The following MAJIN variants were observed in gnomAD, a reference collection of about 807,000 sequenced individuals.
MAJIN encodes the protein membrane-anchored junction protein.
In MAJIN, 27 loss-of-function variants were observed where a neutral mutation model predicts 30.2. The observed-to-expected ratio is 0.89, with a 90% CI of 0.66 to 1.23. The LOEUF (loss-of-function observed/expected upper bound fraction) is 1.23. Among genes scored for constraint, MAJIN ranks in the 50% most tolerant of loss-of-function variants. The probability of loss-of-function intolerance (pLI) is 0.00; values close to 1 mark genes in which losing one functional copy is unlikely to be tolerated. For synonymous variants in MAJIN, 78 were observed against 91.6 expected (o/e 0.85, Z 0.85); for missense variants, 253 against 260.3 (o/e 0.97, Z 0.19).
chr11:64,967,444 A>G (rs979530597), intron 1 of MAJIN, among the ~76,000 whole-genome samples: 5 of 152,150 alleles, frequency 3.3e-5, no homozygotes, highest in South Asian at 2.1e-4. Context: ...AAAAGAAAAG[A>G]AAAGGAAAAA....
At chr11:64,962,955 C>T (rs1327452019) in intron 1 of MAJIN, among the ~76,000 whole-genome samples, 2 of 152,004 alleles carry the variant, frequency 1.3e-5, no homozygotes, top group African/African-American at 2.4e-5. Context: ...GGCGAAACCC[C>T]GCCTCTACTA....
At chr11:64,964,585 A>C (rs1055662556) in intron 1 of MAJIN, among the ~76,000 whole-genome samples, 8 of 151,810 alleles carry the variant, frequency 5.3e-5, no homozygotes, top group African/African-American at 1.5e-4. Flanking sequence ...AAAAACATCA[A>C]AGCAAAATTT....
intron 7 of MAJIN, 63 bp from the exon 8 acceptor site, chr11:64,947,528 C>G: frequency 6.6e-7 from 1 of 1,510,046 alleles, no homozygotes; most frequent in South Asian, 1.1e-5. Flanking sequence ...TTCATGAAGG[C>G]ACAGTGAAGA....
At chr11:64,947,341 G>A (rs370936071) in intron 8 of MAJIN, 33 bp downstream of exon 8, 124 of 1,562,888 alleles carry the variant, frequency 7.9e-5, no homozygotes, top group African/African-American at 1.5e-4. Flanking sequence ...TAACTAGGAC[G>A]CAGGAGCGAG....
At chr11:64,967,432 GAAAA>G (rs1221348236) in intron 1 of MAJIN, among the ~76,000 whole-genome samples, 1 of 151,776 alleles carries the variant, frequency 6.6e-6, no homozygotes, top group African/African-American at 2.4e-5. Flanking sequence ...AAAAGAAAAA[GAAAA>G]AGAAAAGAAA....
At chr11:64,956,252 T>C (rs1005066140) in intron 3 of MAJIN, among the ~76,000 whole-genome samples, 3 of 152,008 alleles carry the variant, frequency 2.0e-5, no homozygotes, top group Admixed American at 1.3e-4. Flanking sequence ...TGAGCTGAGA[T>C]TGCACCATTG....
Position 64,938,487 on chromosome 11 carries a change from A to G in MAJIN, c.*88T>C. 1.3e-6 allele frequency: 2 copies of G among 1,524,442 alleles called. No homozygotes were observed. The highest frequency in any genetic ancestry group is 1.8e-6 in the Non-Finnish European group (2 of 1,136,344). 94.4% of individuals were successfully genotyped at this position (1,524,442 alleles called of 1,614,324 possible). ...AGAATGGCTCGGGAGGAGTCACTAC[A>G]AGAGATGATCCTCTTTCCAGCGCTG... On this transcript the variant is annotated 3_prime_UTR_variant, in exon 11 of 11. Coordinates refer to ENST00000301896, the MANE Select transcript of MAJIN (RefSeq NM_001037225.3).
intron 1 of MAJIN, among the ~76,000 whole-genome samples, chr11:64,968,417 C>T (rs1443889940): frequency 6.6e-6 from 1 of 151,910 alleles, no homozygotes; most frequent in Non-Finnish European, 1.5e-5. Flanking sequence ...ACTACAGGTG[C>T]CCACCACTAT....
intron 4 of MAJIN, among the ~76,000 whole-genome samples, 191 bp from the exon 5 acceptor site, chr11:64,950,621 G>A (rs1241923225): frequency 6.6e-6 from 1 of 151,746 alleles, no homozygotes; most frequent in African/African-American, 2.4e-5. Flanking sequence ...GTGCTTTGTG[G>A]CCCAGGCTGA....
intron 1 of MAJIN, among the ~76,000 whole-genome samples, chr11:64,967,420 A>AAAAAAG (rs757265091): frequency 1.7e-4 from 26 of 150,132 alleles, no homozygotes; most frequent in Admixed American, 4.1e-4. Context: ...AAAGAAAAAG[A>AAAAAAG]AAAAAGAAAA....
Position 64,939,752 on chromosome 11 carries a change from T to C in MAJIN, c.562A>G (p.Thr188Ala). Residue 188 changes from threonine to alanine, a missense_variant, in exon 10 of 11, where the codon ACA becomes GCA. Transcript: ENST00000301896. ...TGGGACAATTCGCCCTGGCAGGCTG[T>C]GTCCCCACTCAGAATCTGTAAGGAA... Reference protein sequence around the residue: ...MSRNKILSGDTACQGELSHPC... With the variant: ...MSRNKILSGDAACQGELSHPC... 6.2e-7 allele frequency: 1 copy of C among 1,613,942 alleles called. No homozygotes were observed. The highest frequency in any genetic ancestry group is 1.3e-5 in the African/African-American group (1 of 75,042).
rs112044647 is a variant in MAJIN at position 64,950,419 on chromosome 11, G to C, written c.159C>G (p.Arg53=). The change falls in exon 5 of 11, where the codon CGC becomes CGG. Residue 53 remains arginine (R), a synonymous_variant. Transcript: ENST00000301896. The stretch of plus-strand genomic sequence containing the variant: ...GATTGTCCAAGTTTCCCAAGACCAC[G>C]CGGACAGAATCCTGAAAAACATATT... ...VITQELEDSV[R]VVLGNLDNLQ... 7.4e-6 allele frequency: 12 copies of C among 1,610,958 alleles called. No individual in the cohort carries two copies. In the South Asian group the frequency reaches 1.1e-4, roughly 15 times the overall value.
At chr11:64,949,648 C>T in intron 6 of MAJIN, 95 bp downstream of exon 6, 2 of 1,491,778 alleles carry the variant, frequency 1.3e-6, no homozygotes, top group African/African-American at 2.7e-5. Flanking sequence ...CACTGTATGG[C>T]TGGAGCCTAA....
At chr11:64,947,876 T>G in intron 6 of MAJIN, 57 bp from the exon 7 acceptor site, 1 of 1,295,946 alleles carries the variant, frequency 7.7e-7, no homozygotes, top group Non-Finnish European at 1.1e-6. Context: ...TTTTTTTTTT[T>G]GGAGATTAAG....
intron 4 of MAJIN, chr11:64,954,285 G>A (rs1016321756): frequency 1.9e-5 from 5 of 262,922 alleles, no homozygotes; most frequent in Admixed American, 5.2e-5. Flanking sequence ...TAGAGGAACC[G>A]GGTAGAAAGG....
At chr11:64,944,719 C>T (rs1334170974) in intron 8 of MAJIN, among the ~76,000 whole-genome samples, 1 of 152,080 alleles carries the variant, frequency 6.6e-6, no homozygotes, top group Non-Finnish European at 1.5e-5. Context: ...GATAACTGCT[C>T]ATGTTATGAG....
At position 64,938,566 on chromosome 11, in the gene MAJIN, A is replaced by G. The variant is rs1311694873; in HGVS notation, c.*9T>C. 1 of 1,535,760 alleles carries G rather than the reference A, an allele frequency of 6.5e-7. No homozygotes were observed. The highest frequency in any genetic ancestry group is 8.7e-7 in the Non-Finnish European group (1 of 1,146,742). Reference sequence around the variant, plus strand: ...TTCCTGAAGAAATATCGAAACGGGAAGAGAGAGCTGCAAGAATGAGAACAG... The same window carrying G: ...TTCCTGAAGAAATATCGAAACGGGAGGAGAGAGCTGCAAGAATGAGAACAG... On this transcript the variant is annotated 3_prime_UTR_variant, in exon 11 of 11. Transcript: ENST00000301896.
In MAJIN at chr11:64,942,160, C is replaced by G. The variant is rs2136719549; in HGVS notation, c.474-1514G>C. Among the ~76,000 whole-genome samples, 3 of 152,282 alleles carry G rather than the reference C, an allele frequency of 2.0e-5. 1 individual carries two copies. In the East Asian group the frequency reaches 5.8e-4, roughly 29 times the overall value. ...CTGGCTACTACTCTCTTCACCCAGT[C>G]AGAACCTAGGGGCTTTACCCAGCAG... On this transcript the variant is annotated intron_variant, in intron 8 of 10. Transcript: ENST00000301896.
chr11:64,961,427 A>G (rs1169316504), intron 1 of MAJIN, among the ~76,000 whole-genome samples: 1 of 149,966 alleles, frequency 6.7e-6, no homozygotes, highest in East Asian at 2.0e-4. Context: ...TCGTCCTCCC[A>G]AAGTGCTGGG....
Sources: allele counts gnomAD v4.1 joint callset (sites outside exome capture counted in the v4.1 genomes callset), GRCh38; gene constraint gnomAD v4.1.1; transcripts MANE v1.5; gene names NCBI Gene and HGNC (gene_info 2026-07-23, HGNC 2026-07-21).